AGPS: variants seen among roughly 807,000 people sequenced by gnomAD.
AGPS encodes alkyldihydroxyacetonephosphate synthase, peroxisomal.
In AGPS, 26 loss-of-function variants were observed where a neutral mutation model predicts 90.7. The ratio of observed to expected loss-of-function variants is 0.29; its 90% CI spans 0.21 to 0.40. AGPS has a LOEUF of 0.40. Among genes scored for constraint, AGPS ranks in the 10% least tolerant of loss-of-function variants. The pLI is 1.00. For missense variants in AGPS, 540 were observed against 816.1 expected (o/e 0.66, Z 4.12); for synonymous variants, 294 against 285.3 (o/e 1.03, Z -0.31).
intron 11 of AGPS, among the ~76,000 whole-genome samples, chr2:177,483,301 T>C (rs1413551178): frequency 6.6e-6 from 1 of 152,182 alleles, no homozygotes; most frequent in East Asian, 1.9e-4. Flanking sequence ...TATATATCAT[T>C]CCCAGTGCTG....
chr2:177,450,869 C>T (rs1319198024), intron 8 of AGPS, among the ~76,000 whole-genome samples: 1 of 113,212 alleles, frequency 8.8e-6, no homozygotes, highest in Non-Finnish European at 2.0e-5. Flanking sequence ...TTTGATTCTT[C>T]TGACCTGACC....
chr2:177,539,757 TAATTA>T lies in AGPS; in HGVS notation c.*1568_*1572del, dbSNP rs2079215937. 1.3e-5 allele frequency: 2 copies of T among 151,972 alleles called. No homozygotes were observed. Among genetic ancestry groups the T allele is most frequent in the Admixed American group, 1.3e-4 (2 of 15,230 alleles). 9.4% of individuals were successfully genotyped at this position (151,972 alleles called of 1,614,324 possible). On this transcript the variant is annotated 3_prime_UTR_variant, in exon 20 of 20. Coordinates refer to ENST00000264167, the MANE Select transcript of AGPS (RefSeq NM_003659.4). ...AATTGGCCTCAAACTAATAAATCTG[TAATTA>T]AATTAGAATTAAATATCAGTTTAAC... is the stretch of plus-strand genomic sequence containing the variant.
rs1371303543 is a variant in AGPS at position 177,542,482 on chromosome 2, C to G, written c.*4287C>G. On this transcript the variant is annotated 3_prime_UTR_variant, in exon 20 of 20. Coordinates refer to ENST00000264167, the MANE Select transcript of AGPS (RefSeq NM_003659.4). ...AAAGAACCATCACAGAATTTAGTAA[C>G]TTTAGTTCTGTGAACATGAAAAGAT... The G allele has an allele frequency of 6.6e-6, 1 of 152,090 alleles. No homozygotes were observed. Among genetic ancestry groups the G allele is most frequent in the Non-Finnish European group, 1.5e-5 (1 of 68,010 alleles). 9.4% of individuals were successfully genotyped at this position (152,090 alleles called of 1,614,324 possible).
At chr2:177,518,351 G>A (rs1689080219) in intron 17 of AGPS, among the ~76,000 whole-genome samples, 1 of 151,996 alleles carries the variant, frequency 6.6e-6, no homozygotes, top group Non-Finnish European at 1.5e-5. Flanking sequence ...TAGGAGAATC[G>A]CTTGAACCCG....
chr2:177,464,825 T>C (rs1346830013), intron 9 of AGPS, among the ~76,000 whole-genome samples: 1 of 152,216 alleles, frequency 6.6e-6, no homozygotes, highest in African/African-American at 2.4e-5. Flanking sequence ...AGGAAAAACA[T>C]TGAACTCTGT....
At chr2:177,461,442 C>T (rs1053334742) in intron 8 of AGPS, among the ~76,000 whole-genome samples, 1 of 152,170 alleles carries the variant, frequency 6.6e-6, no homozygotes, top group African/African-American at 2.4e-5. Flanking sequence ...TTTCTGCAGG[C>T]CTGCTGCATA....
At chr2:177,455,994 C>T (rs776427835) in intron 8 of AGPS, among the ~76,000 whole-genome samples, 16 of 152,032 alleles carry the variant, frequency 1.1e-4, no homozygotes, top group African/African-American at 2.9e-4. Context: ...TTTTATCTAG[C>T]GTCATATGGG....
chr2:177,409,929 T>G (rs1294766817), intron 1 of AGPS, among the ~76,000 whole-genome samples: 1 of 152,216 alleles, frequency 6.6e-6, no homozygotes, highest in Non-Finnish European at 1.5e-5. Flanking sequence ...ACTATCTGCT[T>G]GATAGTTTTT....
chr2:177,460,302 C>T (rs1349024042), intron 8 of AGPS, among the ~76,000 whole-genome samples: 1 of 151,390 alleles, frequency 6.6e-6, no homozygotes, highest in African/African-American at 2.5e-5. Flanking sequence ...TACCCCAGAA[C>T]TTAAAGTATA....
intron 1 of AGPS, among the ~76,000 whole-genome samples, chr2:177,405,673 G>GTTTTTTTTTTTTTTTTTTTTTTTTT (rs56860445): frequency 1.4e-5 from 2 of 144,908 alleles, no homozygotes; most frequent in Non-Finnish European, 3.0e-5. Flanking sequence ...CTATTCTGTT[G>GTTTTTTTTTTTTTTTTTTTTTTTTT]TTTTTTTTTT....
At chr2:177,524,779 C>T (rs946748509) in intron 19 of AGPS, among the ~76,000 whole-genome samples, 2 of 152,116 alleles carry the variant, frequency 1.3e-5, no homozygotes, top group African/African-American at 4.8e-5. Flanking sequence ...TATATGGTAG[C>T]ACCTAGAACA....
At chr2:177,406,528 C>T (rs1463704044) in intron 1 of AGPS, among the ~76,000 whole-genome samples, 1 of 152,120 alleles carries the variant, frequency 6.6e-6, no homozygotes, top group East Asian at 1.9e-4. Flanking sequence ...CATAAGAGGA[C>T]ATGGTGTGTA....
intron 6 of AGPS, among the ~76,000 whole-genome samples, chr2:177,441,807 T>C (rs138605211): frequency 1.1e-3 from 169 of 152,346 alleles, no homozygotes; most frequent in African/African-American, 4.0e-3. Flanking sequence ...CCTTTGACAG[T>C]AAATGTTAAG....
At chr2:177,464,493 A>G (rs1211081067) in intron 9 of AGPS, among the ~76,000 whole-genome samples, 2 of 152,256 alleles carry the variant, frequency 1.3e-5, no homozygotes, top group East Asian at 3.8e-4. Context: ...AGTTGAAGAT[A>G]GTTGTTTAGT....
chr2:177,416,332 A>C (rs1010570004), intron 1 of AGPS, among the ~76,000 whole-genome samples: 4 of 152,342 alleles, frequency 2.6e-5, no homozygotes, highest in Non-Finnish European at 4.4e-5. Context: ...CATCATGTAC[A>C]TATCATGGGA....
At chr2:177,512,790 T>C (rs139595668) in intron 16 of AGPS, among the ~76,000 whole-genome samples, 94 of 152,362 alleles carry the variant, frequency 6.2e-4, no homozygotes, top group African/African-American at 1.9e-3. Context: ...TAGATCTTTG[T>C]CAAACTGGAT....
chr2:177,422,130 G>A (rs982466880), intron 2 of AGPS, among the ~76,000 whole-genome samples: 5 of 152,178 alleles, frequency 3.3e-5, no homozygotes, highest in African/African-American at 1.2e-4. Context: ...CAGTTTCCTG[G>A]AAGAGATGAG....
rs187056177 is a variant in AGPS at position 177,459,271 on chromosome 2, C to A, written c.871-2622C>A. Among the ~76,000 whole-genome samples, 42 of 152,310 alleles carry A rather than the reference C, an allele frequency of 2.8e-4. No homozygotes were observed. The East Asian group carries it at 6.8e-3, about 24-fold the overall frequency. Reference sequence around the variant, plus strand: ...AGGACATAGGCATGGGCAAAGACTTCATGTCTAAAACACCAAAAGCAATGG... The same window carrying A: ...AGGACATAGGCATGGGCAAAGACTTAATGTCTAAAACACCAAAAGCAATGG... On this transcript the variant is annotated intron_variant, in intron 8 of 19. Transcript: ENST00000264167.
intron 1 of AGPS, among the ~76,000 whole-genome samples, chr2:177,418,365 G>A (rs1685848334): frequency 6.6e-6 from 1 of 152,014 alleles, no homozygotes; most frequent in Admixed American, 6.6e-5. Context: ...TTACTTTGGG[G>A]CCATCTGGGG....
Sources: allele counts gnomAD v4.1 joint callset (sites outside exome capture counted in the v4.1 genomes callset), GRCh38; gene constraint gnomAD v4.1.1; transcripts MANE v1.5; gene names NCBI Gene and HGNC (gene_info 2026-07-23, HGNC 2026-07-21).